Variants in ATF7IP2 observed in about 807,000 individuals in gnomAD.
ATF7IP2 encodes activating transcription factor 7-interacting protein 2.
A neutral mutation model predicts 64.2 loss-of-function variants in ATF7IP2; 42 were observed. The observed-to-expected ratio is 0.65, with a 90% CI of 0.51 to 0.85. The LOEUF (loss-of-function observed/expected upper bound fraction) is 0.85, where lower values mean the gene tolerates loss of function less well. ATF7IP2 is among the 40% of genes least tolerant of loss of function. The pLI is 0.00. For missense variants in ATF7IP2, 933 were observed against 784.2 expected, an observed-to-expected ratio of 1.19 and a Z score of -2.27; for synonymous variants, 308 against 272.8, an observed-to-expected ratio of 1.13 and a Z score of -1.27.
At chr16:10,434,955 G>T (rs1170152058) in intron 6 of ATF7IP2, among the ~76,000 whole-genome samples, 1 of 152,174 alleles carries the variant, frequency 6.6e-6, no homozygotes, top group Non-Finnish European at 1.5e-5. Flanking sequence ...ATTTTTAGTA[G>T]AGACAGATTT....
rs1487111526 is a variant in ATF7IP2, at chr16:10,472,804, T to C, written c.1426+621T>C. ...CTTGGAGGCAGAGACTGCAGTGAGC[T>C]GAGATCGTGCTACTGCACTCCAGCC... On this transcript the variant is annotated intron_variant, in intron 10 of 13. Coordinates refer to ENST00000562102, the MANE Select transcript of ATF7IP2 (RefSeq NM_001393719.1). Among the ~76,000 whole-genome samples, 3 of 147,830 alleles carry C rather than the reference T, an allele frequency of 2.0e-5. No individual in the cohort carries two copies. In the South Asian group the frequency reaches 6.4e-4, roughly 31 times the overall value.
chr16:10,409,471 G>A lies in ATF7IP2; in HGVS notation c.-241-5103G>A, dbSNP rs531407889. Among the ~76,000 whole-genome samples the A allele has an allele frequency of 2.7e-4, 41 of 149,184 alleles. 1 individual carries two copies. In the East Asian group the frequency reaches 7.8e-3, roughly 28 times the overall value. On this transcript the variant is annotated intron_variant, in intron 1 of 13. Transcript: ENST00000562102. ...TCTTCTAGAATTTTTATAGTTTCAG[G>A]TCTTAGATTTAAATCCTTGATCCAT...
intron 6 of ATF7IP2, among the ~76,000 whole-genome samples, chr16:10,434,057 A>G (rs1218348063): frequency 6.6e-6 from 1 of 151,500 alleles, no homozygotes; most frequent in Non-Finnish European, 1.5e-5. Context: ...ACCACAACCC[A>G]GAAGACTCAA....
At chr16:10,470,741 C>G (rs1267438429) in intron 9 of ATF7IP2, among the ~76,000 whole-genome samples, 1 of 151,738 alleles carries the variant, frequency 6.6e-6, no homozygotes, top group Non-Finnish European at 1.5e-5. Context: ...TACATTTGCA[C>G]CACTACACTC....
intron 1 of ATF7IP2, among the ~76,000 whole-genome samples, chr16:10,390,620 C>T (rs2047302760): frequency 6.6e-6 from 1 of 152,028 alleles, no homozygotes; most frequent in African/African-American, 2.4e-5. Context: ...CCTGTCTCTA[C>T]AAAACAATGT....
intron 2 of ATF7IP2, among the ~76,000 whole-genome samples, chr16:10,416,249 C>T (rs902292179): frequency 2.6e-5 from 4 of 152,080 alleles, no homozygotes; most frequent in African/African-American, 9.7e-5. Context: ...TACATATACA[C>T]AATAGAATAC....
At chr16:10,394,641 A>G (rs2047389606) in intron 1 of ATF7IP2, among the ~76,000 whole-genome samples, 1 of 152,190 alleles carries the variant, frequency 6.6e-6, no homozygotes, top group Non-Finnish European at 1.5e-5. Context: ...CAACACACTT[A>G]AAAGGACTGA....
At chr16:10,420,522 CAT>C (rs2047970875) in intron 3 of ATF7IP2, among the ~76,000 whole-genome samples, 1 of 152,214 alleles carries the variant, frequency 6.6e-6, no homozygotes, top group African/African-American at 2.4e-5. Context: ...GAGGCATTAA[CAT>C]GGGTTAAATT....
chr16:10,390,686 G>A (rs953614736), intron 1 of ATF7IP2, among the ~76,000 whole-genome samples: 1 of 152,236 alleles, frequency 6.6e-6, no homozygotes, highest in East Asian at 1.9e-4. Flanking sequence ...CTCCTTGGGA[G>A]GCTGAGGCAG....
chr16:10,418,954 C>T (rs898562928), intron 2 of ATF7IP2, among the ~76,000 whole-genome samples: 7 of 152,188 alleles, frequency 4.6e-5, no homozygotes, highest in Admixed American at 1.3e-4. Context: ...GGCCATGGCA[C>T]GCAGACTGAG....
chr16:10,410,311 A>AGTTTTGTTTTGTTTT (rs71133350), intron 1 of ATF7IP2, among the ~76,000 whole-genome samples: 1 of 150,146 alleles, frequency 6.7e-6, no homozygotes, highest in South Asian at 2.1e-4. Flanking sequence ...TATATTCCTA[A>AGTTTTGTTTTGTTTT]GTTTTGTTTT....
chr16:10,430,295 C>A lies in ATF7IP2; in HGVS notation c.-10-316C>A, dbSNP rs141595430. Among the ~76,000 whole-genome samples the A allele has an allele frequency of 3.0e-3, 452 of 152,010 alleles. 4 individuals are homozygous for A. The highest frequency in any genetic ancestry group is 0.01 in the African/African-American group (430 of 41,454). On this transcript the variant is annotated intron_variant, in intron 4 of 13. Transcript: ENST00000562102. ...TTTAGATTATTTAAACTATGACTTA[C>A]CTGGATAAAAAAATAGTGAATGGTT...
intron 8 of ATF7IP2, among the ~76,000 whole-genome samples, chr16:10,452,482 A>G (rs949417962): frequency 1.2e-4 from 19 of 152,256 alleles, no homozygotes; most frequent in African/African-American, 4.3e-4. Context: ...TGGAAGCTTC[A>G]TCCCAGAGGG....
intron 12 of ATF7IP2, among the ~76,000 whole-genome samples, chr16:10,476,483 G>T (rs1480367618): frequency 2.1e-5 from 3 of 146,100 alleles, no homozygotes; most frequent in Non-Finnish European, 2.9e-5. Context: ...ACTCTCCCCA[G>T]TTGTGTGTGT....
intron 1 of ATF7IP2, among the ~76,000 whole-genome samples, chr16:10,388,811 C>A (rs997636758): frequency 2.0e-5 from 3 of 151,978 alleles, no homozygotes; most frequent in Non-Finnish European, 4.4e-5. Flanking sequence ...GAGATTGAGA[C>A]CATCTTGGTT....
At chr16:10,415,117 G>C (rs146799988) in intron 2 of ATF7IP2, among the ~76,000 whole-genome samples, 2 of 152,264 alleles carry the variant, frequency 1.3e-5, no homozygotes, top group Non-Finnish European at 2.9e-5. Context: ...CACAGAAATA[G>C]AGAAAACAAT....
At chr16:10,450,747 A>G (rs1157237263) in intron 8 of ATF7IP2, among the ~76,000 whole-genome samples, 2 of 152,146 alleles carry the variant, frequency 1.3e-5, no homozygotes, top group East Asian at 1.9e-4. Context: ...CAGCACACCA[A>G]TGGGTCTTGA....
rs2050310085 is a variant in ATF7IP2, at chr16:10,483,445, G to A, written c.*1196G>A. On this transcript the variant is annotated 3_prime_UTR_variant, in exon 14 of 14. Transcript: ENST00000562102. ...CAAGAAACTCTGAACGGGGCCCAAT[G>A]GAGGCAAACTTGAGCAAATAATTGG... 1 of 152,104 alleles carries A rather than the reference G, an allele frequency of 6.6e-6. No homozygotes were observed. 9.4% of individuals were successfully genotyped at this position (152,104 alleles called of 1,614,324 possible). A position where few individuals can be genotyped will look rare whatever the true frequency, so the allele number is the denominator to read the frequency against.
chr16:10,435,078 T>C (rs1028942839), intron 6 of ATF7IP2, among the ~76,000 whole-genome samples: 1 of 152,182 alleles, frequency 6.6e-6, no homozygotes, highest in Non-Finnish European at 1.5e-5. Flanking sequence ...AGAAGTAACT[T>C]CTGATGTGTA....
Sources: gnomAD v4.1 joint callset for allele counts (sites outside exome capture counted in the v4.1 genomes callset) on GRCh38, gnomAD v4.1.1 for gene constraint, MANE v1.5 for transcripts, NCBI Gene and HGNC (gene_info 2026-07-23, HGNC 2026-07-21) for gene names.